Variants in PDE1C observed in about 807,000 individuals in gnomAD.
PDE1C encodes the protein phosphodiesterase 1C.
PDE1C carries 62 observed loss-of-function variants against 93.1 expected under a neutral mutation model. The ratio of observed to expected loss-of-function variants is 0.67; its 90% CI spans 0.54 to 0.82. The LOEUF is 0.82. PDE1C is among the 40% of genes least tolerant of loss of function. The pLI, the probability that PDE1C is intolerant of heterozygous loss-of-function variation, is 0.00. For missense variants in PDE1C, 742 were observed against 884.6 expected (o/e 0.84, Z 2.04); for synonymous variants, 325 against 310.1 (o/e 1.05, Z -0.50).
chr7:31,689,156 A>G, the PDE1C span, among the ~76,000 whole-genome samples: 1 of 152,204 alleles, frequency 6.6e-6, no homozygotes, highest in African/African-American at 2.4e-5. Context: ...TGGGTGGCCA[A>G]TATTGCAATG....
intron 2 of PDE1C, among the ~76,000 whole-genome samples, chr7:32,207,292 T>A (rs912430394): frequency 6.6e-6 from 1 of 151,206 alleles, no homozygotes; most frequent in Non-Finnish European, 1.5e-5. Flanking sequence ...CAACGCACAC[T>A]GTCAAGGCTG....
chr7:31,673,960 A>G, the PDE1C span, among the ~76,000 whole-genome samples: 2 of 152,290 alleles, frequency 1.3e-5, no homozygotes, highest in South Asian at 4.1e-4. Context: ...AAATTCAGAA[A>G]AACTTGCTGG....
At position 31,809,155 on chromosome 7, in the gene PDE1C, G is replaced by C. The variant is rs529134828; in HGVS notation, c.1814-47C>G. ...AACAGTATATGTATGCAGCTGAGGG[G>C]GTTGTTATAAACATCTTTAAGTCTG... On this transcript the variant is annotated intron_variant, in intron 15 of 17. Coordinates refer to ENST00000396191, the MANE Select transcript of PDE1C (RefSeq NM_001191057.4). The C allele has an allele frequency of 2.9e-6, 3 of 1,047,884 alleles. No homozygotes were observed. In the South Asian group the frequency reaches 3.9e-5, roughly 14 times the overall value. The allele number at this position is 1,047,884 out of a possible 1,614,324, so 64.9% of individuals were successfully genotyped here. A position where few individuals can be genotyped will look rare whatever the true frequency, so the allele number is the denominator to read the frequency against.
intron 2 of PDE1C, among the ~76,000 whole-genome samples, chr7:31,930,848 C>CAAAAAAAAAAAAAAAAAAAAAAAAAAAAA (rs56394903): frequency 3.1e-5 from 1 of 32,638 alleles, no homozygotes; most frequent in Non-Finnish European, 4.7e-5. Flanking sequence ...GACTCTGTCT[C>CAAAAAAAAAAAAAAAAAAAAAAAAAAAAA]AAAAAAAAAA....
chr7:32,108,661 T>A (rs1798477034), intron 3 of PDE1C, among the ~76,000 whole-genome samples: 1 of 152,184 alleles, frequency 6.6e-6, no homozygotes, highest in South Asian at 2.1e-4. Context: ...AAAACCCGTA[T>A]GAAATTGTTC....
At chr7:32,403,761 G>T (rs1474826231) in intron 1 of PDE1C, among the ~76,000 whole-genome samples, 3 of 152,112 alleles carry the variant, frequency 2.0e-5, no homozygotes, top group Admixed American at 6.6e-5. Flanking sequence ...AATTGAATTG[G>T]CTTTGTTTTA....
chr7:32,291,921 T>A (rs1812355617), intron 1 of PDE1C, among the ~76,000 whole-genome samples: 1 of 152,222 alleles, frequency 6.6e-6, no homozygotes, highest in African/African-American at 2.4e-5. Flanking sequence ...AAGAGCAAGT[T>A]AGTAAGGTGC....
At chr7:31,619,808 G>T in the PDE1C span, among the ~76,000 whole-genome samples, 1 of 152,150 alleles carries the variant, frequency 6.6e-6, no homozygotes, top group Non-Finnish European at 1.5e-5. Context: ...GCGAGGCATT[G>T]CCTCCCTCGG....
intron 16 of PDE1C, among the ~76,000 whole-genome samples, chr7:31,782,899 T>A (rs888501124): frequency 6.6e-6 from 1 of 152,266 alleles, no homozygotes; most frequent in African/African-American, 2.4e-5. Context: ...AACTCTGGGA[T>A]AATGTGTTCT....
chr7:32,148,375 T>C (rs563668265), intron 3 of PDE1C, among the ~76,000 whole-genome samples: 2 of 152,324 alleles, frequency 1.3e-5, no homozygotes, highest in Admixed American at 6.5e-5. Context: ...TATTTGTATA[T>C]ATTAAGCCTT....
intron 1 of PDE1C, among the ~76,000 whole-genome samples, chr7:32,323,328 T>G (rs1783335150): frequency 6.6e-6 from 1 of 152,172 alleles, no homozygotes; most frequent in Non-Finnish European, 1.5e-5. Context: ...CCAATCAGAC[T>G]TCACTGAATT....
At chr7:32,309,766 G>A (rs534308071) in intron 1 of PDE1C, among the ~76,000 whole-genome samples, 12 of 152,252 alleles carry the variant, frequency 7.9e-5, no homozygotes, top group African/African-American at 2.4e-4. Context: ...ACATGGAAAG[G>A]AAAAACTGGT....
At chr7:31,620,111 C>G in the PDE1C span, among the ~76,000 whole-genome samples, 5 of 152,274 alleles carry the variant, frequency 3.3e-5, no homozygotes, top group South Asian at 6.2e-4. Context: ...CGGGAAGCTC[C>G]AACTGGGTGG....
chr7:31,671,478 G>T, the PDE1C span, among the ~76,000 whole-genome samples: 5 of 152,170 alleles, frequency 3.3e-5, no homozygotes. Flanking sequence ...AAGTAACATT[G>T]TATCTCACTG....
At chr7:31,720,600 C>T in the PDE1C span, among the ~76,000 whole-genome samples, 2 of 152,170 alleles carry the variant, frequency 1.3e-5, no homozygotes, top group Non-Finnish European at 2.9e-5. Flanking sequence ...AATCTGCAGC[C>T]GGTCTCCCAT....
At chr7:31,878,433 C>G (rs188410283) in intron 4 of PDE1C, among the ~76,000 whole-genome samples, 64 of 152,124 alleles carry the variant, frequency 4.2e-4, no homozygotes, top group African/African-American at 1.3e-3. Context: ...CTGTCAAAAA[C>G]AAGAAGGAAA....
Position 31,775,753 on chromosome 7 carries a change from A to G in PDE1C, c.1892-21T>C, listed in dbSNP as rs765314434. ...TGTGCCTGTGAAGAGGAAAAAGAGG[A>G]TAAGGAAAAGTAGGATTGTGGAAAA... On this transcript the variant is annotated intron_variant, in intron 16 of 17. Coordinates refer to ENST00000396191, the MANE Select transcript of PDE1C (RefSeq NM_001191057.4). The G allele has an allele frequency of 1.4e-5, 22 of 1,606,858 alleles. No homozygotes were observed. In the Admixed American group the frequency reaches 3.7e-4, roughly 27 times the overall value.
At chr7:31,699,641 GT>G in the PDE1C span, among the ~76,000 whole-genome samples, 24 of 147,652 alleles carry the variant, frequency 1.6e-4, no homozygotes, top group South Asian at 4.3e-4. Context: ...GATATTGGTG[GT>G]TTTTTTTTTA....
At chr7:31,701,782 C>A in the PDE1C span, among the ~76,000 whole-genome samples, 2 of 152,236 alleles carry the variant, frequency 1.3e-5, no homozygotes. Context: ...TCAGTGAAGA[C>A]TCAGATAATC....
Sources: gnomAD v4.1 joint callset for allele counts (sites outside exome capture counted in the v4.1 genomes callset) on GRCh38, gnomAD v4.1.1 for gene constraint, MANE v1.5 for transcripts, NCBI Gene and HGNC (gene_info 2026-07-23, HGNC 2026-07-21) for gene names.